Variants in DACH1 observed in about 807,000 individuals in gnomAD.
DACH1 encodes dachshund homolog 1.
Under a neutral mutation model 54.2 loss-of-function variants are expected in DACH1, and 12 were observed. The ratio of observed to expected loss-of-function variants is 0.22; its 90% CI spans 0.14 to 0.36. The LOEUF (loss-of-function observed/expected upper bound fraction) is 0.36. DACH1 is among the 10% of genes least tolerant of loss of function. The pLI is 1.00. For synonymous variants in DACH1, 386 were observed against 366.2 expected, an observed-to-expected ratio of 1.05 and a Z score of -0.62; for missense variants, 805 against 929.8, an observed-to-expected ratio of 0.87 and a Z score of 1.75.
At chr13:71,803,257 A>G (rs982269247) in intron 1 of DACH1, among the ~76,000 whole-genome samples, 2 of 152,120 alleles carry the variant, frequency 1.3e-5, no homozygotes, top group African/African-American at 2.4e-5. Flanking sequence ...GTAGTGCTTT[A>G]ACATCCTGTT....
At chr13:71,595,604 A>T (rs1373833078) in intron 3 of DACH1, among the ~76,000 whole-genome samples, 1 of 152,168 alleles carries the variant, frequency 6.6e-6, no homozygotes. Flanking sequence ...TAGTTTGTTC[A>T]GACTGCTATA....
chr13:71,811,886 C>T (rs376769987), intron 1 of DACH1, among the ~76,000 whole-genome samples: 88 of 152,238 alleles, frequency 5.8e-4, no homozygotes, highest in Non-Finnish European at 1.0e-3. Flanking sequence ...TATTTTATTG[C>T]AAATTTATCT....
chr13:71,833,660 A>G (rs756991510), intron 1 of DACH1, among the ~76,000 whole-genome samples: 2 of 151,960 alleles, frequency 1.3e-5, no homozygotes, highest in African/African-American at 2.4e-5. Context: ...TTTTTGATTT[A>G]TAAGAGTATT....
At position 71,647,192 on chromosome 13, in the gene DACH1, G is replaced by A. The variant is rs185829130; in HGVS notation, c.965-16475C>T. On this transcript the variant is annotated intron_variant, in intron 2 of 10. Coordinates refer to ENST00000613252, the MANE Select transcript of DACH1 (RefSeq NM_080759.6). ...TTCTGAACACTGCCACAAATGTGAA[G>A]TCTTGGCATATTTTATCATTACCTT... 1.1e-3 allele frequency among the ~76,000 whole-genome samples: 172 copies of A among 152,314 alleles called. 1 individual carries two copies. The highest frequency in any genetic ancestry group is 3.0e-3 in the Admixed American group (46 of 15,288).
intron 7 of DACH1, among the ~76,000 whole-genome samples, chr13:71,483,364 T>C (rs1279771377): frequency 6.8e-6 from 1 of 147,316 alleles, no homozygotes; most frequent in Non-Finnish European, 1.5e-5. Context: ...TAATTATATA[T>C]TATAATTAAA....
chr13:71,472,340 T>C (rs1438183884), intron 10 of DACH1, among the ~76,000 whole-genome samples: 1 of 152,206 alleles, frequency 6.6e-6, no homozygotes, highest in Non-Finnish European at 1.5e-5. Context: ...TGTCCACCTC[T>C]GTGGTTTTAT....
intron 4 of DACH1, among the ~76,000 whole-genome samples, chr13:71,566,462 C>T (rs1884899168): frequency 6.6e-6 from 1 of 152,096 alleles, no homozygotes; most frequent in South Asian, 2.1e-4. Context: ...TCTATGATCA[C>T]AAAGTTACCT....
intron 4 of DACH1, among the ~76,000 whole-genome samples, chr13:71,564,164 T>G (rs570240043): frequency 6.6e-6 from 1 of 152,152 alleles, no homozygotes; most frequent in African/African-American, 2.4e-5. Context: ...GGAGGGAATC[T>G]CATAATTATT....
intron 1 of DACH1, among the ~76,000 whole-genome samples, chr13:71,724,569 A>T (rs1883386023): frequency 6.6e-6 from 1 of 152,136 alleles, no homozygotes; most frequent in Admixed American, 6.5e-5. Flanking sequence ...CAACTATACC[A>T]TATACTTCCA....
At chr13:71,591,331 TATA>T (rs1183104011) in intron 3 of DACH1, among the ~76,000 whole-genome samples, 1 of 152,156 alleles carries the variant, frequency 6.6e-6, no homozygotes, top group Admixed American at 6.5e-5. Context: ...GAGCTTTTTT[TATA>T]ATCCATAGAT....
chr13:71,639,963 T>A (rs1332867880), intron 2 of DACH1, among the ~76,000 whole-genome samples: 1 of 152,056 alleles, frequency 6.6e-6, no homozygotes, highest in Non-Finnish European at 1.5e-5. Context: ...GTCTTAAACT[T>A]ATAAAACTTG....
chr13:71,827,765 G>C (rs1352473562), intron 1 of DACH1, among the ~76,000 whole-genome samples: 1 of 152,066 alleles, frequency 6.6e-6, no homozygotes, highest in Non-Finnish European at 1.5e-5. Context: ...AAAAGAATAG[G>C]AGAAAAAGTC....
At chr13:71,740,683 G>T (rs1332427443) in intron 1 of DACH1, among the ~76,000 whole-genome samples, 4 of 152,132 alleles carry the variant, frequency 2.6e-5, no homozygotes, top group Admixed American at 2.6e-4. Flanking sequence ...ATGTGCTACT[G>T]CCTGGGGTGT....
intron 1 of DACH1, among the ~76,000 whole-genome samples, chr13:71,768,453 G>A (rs1307787412): frequency 3.3e-5 from 5 of 151,930 alleles, no homozygotes; most frequent in African/African-American, 1.2e-4. Context: ...TATGTCAGAA[G>A]GGTGTATTGC....
At chr13:71,458,640 G>C (rs1411887340) in intron 10 of DACH1, among the ~76,000 whole-genome samples, 1 of 151,794 alleles carries the variant, frequency 6.6e-6, no homozygotes, top group Admixed American at 6.6e-5. Flanking sequence ...TAGAAAAATT[G>C]AAACTATGAC....
At chr13:71,828,985 G>C (rs1014792145) in intron 1 of DACH1, among the ~76,000 whole-genome samples, 6 of 151,946 alleles carry the variant, frequency 3.9e-5, no homozygotes, top group African/African-American at 1.4e-4. Flanking sequence ...AAGACCAGTA[G>C]TTTTCTTTTC....
chr13:71,482,861 C>A (rs559432537), intron 7 of DACH1, among the ~76,000 whole-genome samples: 2 of 138,630 alleles, frequency 1.4e-5, no homozygotes, highest in East Asian at 4.4e-4. Context: ...GTGCAAATGG[C>A]GCGATCTCGG....
intron 6 of DACH1, among the ~76,000 whole-genome samples, chr13:71,546,328 T>G (rs1417702187): frequency 6.6e-6 from 1 of 152,032 alleles, no homozygotes; most frequent in African/African-American, 2.4e-5. Flanking sequence ...ATTTATGGCT[T>G]TTTTAAAGTA....
intron 1 of DACH1, among the ~76,000 whole-genome samples, chr13:71,864,776 G>A (rs940869291): frequency 6.3e-5 from 9 of 142,238 alleles, no homozygotes; most frequent in African/African-American, 2.4e-4. Flanking sequence ...CTCCCCCACT[G>A]AGCGTTCATT....
Sources: allele counts gnomAD v4.1 joint callset (sites outside exome capture counted in the v4.1 genomes callset), GRCh38; gene constraint gnomAD v4.1.1; transcripts MANE v1.5; gene names NCBI Gene and HGNC (gene_info 2026-07-23, HGNC 2026-07-21).